The following CACNA1H variants were observed in gnomAD, a reference collection of about 807,000 sequenced individuals.
The protein encoded by CACNA1H is calcium voltage-gated channel subunit alpha1 H, also known as voltage-dependent T-type calcium channel subunit alpha-1H.
A neutral mutation model predicts 192.5 loss-of-function variants in CACNA1H; 149 were observed. The ratio of observed to expected loss-of-function variants is 0.77; its 90% CI spans 0.68 to 0.89. The LOEUF (loss-of-function observed/expected upper bound fraction) is 0.89, where lower values mean the gene tolerates loss of function less well. CACNA1H is among the 40% of genes least tolerant of loss of function. CACNA1H has a pLI of 0.00. For missense variants in CACNA1H, 4,257 were observed against 3,423.5 expected (o/e 1.24, Z -6.08); for synonymous variants, 2,202 against 1,475.2 (o/e 1.49, Z -11.29).
chr16:1,186,919 G>A lies in CACNA1H; in HGVS notation c.300-8053G>A, dbSNP rs555655643. ...GGAGCTGCCGCGGTTCTGAGTGGGG[G>A]TGGACACGGACACAGGGCTGGTTCC... On this transcript the variant is annotated intron_variant, in intron 2 of 34. Transcript: ENST00000348261. Among the ~76,000 whole-genome samples, 69 of 152,320 alleles carry A rather than the reference G, an allele frequency of 4.5e-4. 1 individual carries two copies. Among genetic ancestry groups the A allele is most frequent in the Non-Finnish European group, 7.4e-4 (50 of 68,024 alleles).
At chr16:1,169,767 G>A (rs1008543212) in intron 2 of CACNA1H, among the ~76,000 whole-genome samples, 8 of 152,226 alleles carry the variant, frequency 5.3e-5, no homozygotes, top group African/African-American at 9.6e-5. Context: ...ACGTTTGTCC[G>A]TCTGCCTCCC....
intron 8 of CACNA1H, 36 bp downstream of exon 8, chr16:1,200,844 C>T (rs184503231): frequency 1.6e-5 from 24 of 1,467,492 alleles, no homozygotes; most frequent in Middle Eastern, 1.8e-4. Flanking sequence ...ATGATGGGCC[C>T]TGGTGTTAGC....
chr16:1,176,694 T>C lies in CACNA1H; in HGVS notation c.300-18278T>C, dbSNP rs925180490. On this transcript the variant is annotated intron_variant, in intron 2 of 34. Transcript: ENST00000348261. Reference sequence around the variant, plus strand: ...GGCTGATGGGGGTCCGGGGGCCGGCTGGGCACCAAGTCTCTGTGACCCACA... The same window carrying C: ...GGCTGATGGGGGTCCGGGGGCCGGCCGGGCACCAAGTCTCTGTGACCCACA... Among the ~76,000 whole-genome samples, 4 of 152,196 alleles carry C rather than the reference T, an allele frequency of 2.6e-5. No individual in the cohort carries two copies. In the South Asian group the frequency reaches 8.3e-4, roughly 31 times the overall value.
At position 1,203,801 on chromosome 16, in the gene CACNA1H, C is replaced by T. The variant is rs75978956; in HGVS notation, c.2003-209C>T. Among the ~76,000 whole-genome samples the T allele has an allele frequency of 5.4e-3, 815 of 152,304 alleles. 8 individuals are homozygous for T. Among genetic ancestry groups the T allele is most frequent in the African/African-American group, 0.018 (764 of 41,550 alleles). On this transcript the variant is annotated intron_variant, in intron 9 of 34. Transcript: ENST00000348261. ...TCGTGGCTCAGGGCCCTCCCTACTC[C>T]GGGATAGCTTCATTCCTCATTGTAA...
At chr16:1,218,929 G>T in intron 33 of CACNA1H, 41 bp from the exon 34 acceptor site, 1 of 1,544,872 alleles carries the variant, frequency 6.5e-7, no homozygotes, top group South Asian at 1.2e-5. Context: ...GGGCAGGAAG[G>T]CAGGGGCAGA....
At chr16:1,215,712 T>G in intron 30 of CACNA1H, 119 bp downstream of exon 30, 1 of 825,322 alleles carries the variant, frequency 1.2e-6, no homozygotes, top group Non-Finnish European at 1.9e-6. Context: ...GTGTGGTGGC[T>G]GAAGCTGCGT....
At chr16:1,206,083 C>T in intron 11 of CACNA1H, 21 bp from the exon 12 acceptor site, 1 of 1,546,838 alleles carries the variant, frequency 6.5e-7, no homozygotes, top group Non-Finnish European at 8.7e-7. Flanking sequence ...CCCGCTGACC[C>T]TCGCCCCCAC....
chr16:1,153,649 G>T (rs1490253524), intron 1 of CACNA1H, 71 bp from the exon 2 acceptor site: 4 of 1,011,338 alleles, frequency 4.0e-6, no homozygotes, highest in Admixed American at 9.4e-5. Context: ...GGCTGTTCCC[G>T]CAGCTCCGCG....
chr16:1,158,065 C>T (rs928723144), intron 2 of CACNA1H: 2 of 152,320 alleles, frequency 1.3e-5, no homozygotes, highest in South Asian at 2.1e-4. Flanking sequence ...ATCCATTAGT[C>T]TCTGAAGCCA....
Position 1,196,436 on chromosome 16 carries a change from C to T in CACNA1H, c.643+413C>T, listed in dbSNP as rs568783145. Among the ~76,000 whole-genome samples, 4 of 152,318 alleles carry T rather than the reference C, an allele frequency of 2.6e-5. No individual in the cohort carries two copies. In the South Asian group the frequency reaches 6.2e-4, roughly 24 times the overall value. ...GTGTGGCTCAGCTCACCTGGGGGCT[C>T]TGTGAAGCCCCGCCTTCACACCCAC... On this transcript the variant is annotated intron_variant, in intron 5 of 34. Transcript: ENST00000348261.
At chr16:1,190,671 C>T (rs183297811) in intron 2 of CACNA1H, among the ~76,000 whole-genome samples, 1 of 152,368 alleles carries the variant, frequency 6.6e-6, no homozygotes, top group East Asian at 1.9e-4. Flanking sequence ...CCTGCTATAC[C>T]ACCGTCCCCT....
chr16:1,176,688 G>A (rs569543974), intron 2 of CACNA1H, among the ~76,000 whole-genome samples: 3 of 152,216 alleles, frequency 2.0e-5, no homozygotes, highest in African/African-American at 7.2e-5. Flanking sequence ...GGGTCCGGGG[G>A]CCGGCTGGGC....
At position 1,221,421 on chromosome 16, in the gene CACNA1H, ACCT is replaced by A. The variant is rs1398312906; in HGVS notation, c.*428_*430del. On this transcript the variant is annotated 3_prime_UTR_variant, in exon 35 of 35. Transcript: ENST00000348261. ...GTTGCAGCCACCGCGGCCCAATGTCACCTTCACTCACAGTCTGAGTTCTTGTCC... is the reference window on the plus strand; with the variant it reads ...GTTGCAGCCACCGCGGCCCAATGTCATCACTCACAGTCTGAGTTCTTGTCC... 3 of 296,024 alleles carry A rather than the reference ACCT, an allele frequency of 1.0e-5. No individual in the cohort carries two copies. The highest frequency in any genetic ancestry group is 1.9e-5 in the Non-Finnish European group (3 of 160,054). The allele number at this position is 296,024 out of a possible 1,614,324, so 18.3% of individuals were successfully genotyped here. A position where few individuals can be genotyped will look rare whatever the true frequency, so the allele number is the denominator to read the frequency against.
chr16:1,211,442 C>T (rs1286348751), intron 22 of CACNA1H, 39 bp from the exon 23 acceptor site: 50 of 1,611,422 alleles, frequency 3.1e-5, no homozygotes, highest in Non-Finnish European at 4.2e-5. Flanking sequence ...GGGTGGGGCA[C>T]AGGCCAGGCC....
rs1404959892 is a variant in CACNA1H, at chr16:1,205,160, C to T, written c.2498C>T (p.Thr833Ile). ...CTGGAGATCAGCAACATCGTGTTCACCAGCATGTTTGCCCTGGAGATGCTG... is the reference window on the plus strand; with the variant it reads ...CTGGAGATCAGCAACATCGTGTTCATCAGCATGTTTGCCCTGGAGATGCTG... Reference protein sequence around the residue: ...NALEISNIVFTSMFALEMLLK... With the variant: ...NALEISNIVFISMFALEMLLK... The change falls in exon 11 of 35, where the codon ACC becomes ATC. Residue 833 changes from threonine to isoleucine, a missense_variant. By Grantham distance (89) the Thr-to-Ile change is moderately conservative. Transcript: ENST00000348261. 2 of 1,613,020 alleles carry T rather than the reference C, an allele frequency of 1.2e-6. No homozygotes were observed. Among genetic ancestry groups the T allele is most frequent in the Non-Finnish European group, 1.7e-6 (2 of 1,179,778 alleles).
Position 1,205,247 on chromosome 16 carries a change from GCAT to G in CACNA1H, c.2590_2592del (p.Ile864del). Reference sequence around the variant, plus strand: ...CGGAACCCGTACAACATCTTCGACGGCATCATCGTGGTCATCAGGTGGGTCCCC... The same window carrying G: ...CGGAACCCGTACAACATCTTCGACGGCATCGTGGTCATCAGGTGGGTCCCC... On this transcript the variant is annotated inframe_deletion, in exon 11 of 35. Coordinates refer to ENST00000348261, the MANE Select transcript of CACNA1H (RefSeq NM_021098.3). 2 of 1,608,042 alleles carry G rather than the reference GCAT, an allele frequency of 1.2e-6. No individual in the cohort carries two copies. The highest frequency in any genetic ancestry group is 1.7e-6 in the Non-Finnish European group (2 of 1,175,786).
chr16:1,218,016 G>A lies in CACNA1H; in HGVS notation c.5421G>A (p.Gly1807=), dbSNP rs1373784138. Residue 1807 remains glycine (G), a synonymous_variant, in exon 32 of 35, where the codon GGG becomes GGA. Transcript: ENST00000348261. ...AFLTLFRVST[G]DNWNGIMKDT... Reference sequence around the variant, plus strand: ...TCACGCTGTTCCGCGTGTCCACGGGGGACAACTGGAACGGGATCATGAAGG... The same window carrying A: ...TCACGCTGTTCCGCGTGTCCACGGGAGACAACTGGAACGGGATCATGAAGG... 7 of 1,601,220 alleles carry A rather than the reference G, an allele frequency of 4.4e-6. No individual in the cohort carries two copies. Among genetic ancestry groups the A allele is most frequent in the East Asian group, 2.3e-5 (1 of 44,316 alleles).
intron 30 of CACNA1H, 110 bp downstream of exon 30, chr16:1,215,703 T>C (rs1357213160): frequency 1.1e-5 from 10 of 886,884 alleles, no homozygotes; most frequent in African/African-American, 1.6e-5. Flanking sequence ...CCCTCGGTTG[T>C]GTGGTGGCTG....
At position 1,167,405 on chromosome 16, in the gene CACNA1H, C is replaced by T. The variant is rs1401248338; in HGVS notation, c.299+13369C>T. Among the ~76,000 whole-genome samples the T allele has an allele frequency of 2.6e-5, 4 of 152,142 alleles. No individual in the cohort carries two copies. Among genetic ancestry groups the T allele is most frequent in the South Asian group, 2.1e-4 (1 of 4,834 alleles). ...GGAGAATCTGGCGTGTGTGTTTGCA[C>T]GGCATCCATCCCTCCATCCGTCCTC... On this transcript the variant is annotated intron_variant, in intron 2 of 34. Transcript: ENST00000348261. The surrounding 1 kb of genome is among the most constrained non-coding windows in gnomAD (Gnocchi z 4.2).
Sources: allele counts gnomAD v4.1 joint callset (sites outside exome capture counted in the v4.1 genomes callset), GRCh38; gene constraint gnomAD v4.1.1; non-coding constraint Gnocchi (gnomAD v3.1); transcripts MANE v1.5; gene names NCBI Gene and HGNC (gene_info 2026-07-23, HGNC 2026-07-21).